Variants in SMARCA4 observed in about 807,000 individuals in gnomAD.
SMARCA4 encodes SWI/SNF-related matrix-associated actin-dependent regulator of chromatin subfamily A member 4.
Under a neutral mutation model 193.9 loss-of-function variants are expected in SMARCA4, and 31 were observed. The observed-to-expected ratio is 0.16, with a 90% CI of 0.12 to 0.22. The LOEUF (loss-of-function observed/expected upper bound fraction) is 0.22. Among genes scored for constraint, SMARCA4 ranks in the 10% least tolerant of loss-of-function variants. SMARCA4 has a pLI of 1.00. For synonymous variants in SMARCA4, 942 were observed against 933.1 expected, an observed-to-expected ratio of 1.01 and a Z score of -0.17; for missense variants, 1,148 against 2,296.0, an observed-to-expected ratio of 0.50 and a Z score of 10.22.
intron 29 of SMARCA4, among the ~76,000 whole-genome samples, chr19:11,035,512 G>A (rs1055260591): frequency 3.9e-5 from 6 of 152,320 alleles, no homozygotes; most frequent in African/African-American, 1.4e-4. Context: ...CTATTGAGGC[G>A]CCCTGCAAAG....
At chr19:10,963,059 G>A (rs887911879) in intron 1 of SMARCA4, among the ~76,000 whole-genome samples, 3 of 152,042 alleles carry the variant, frequency 2.0e-5, no homozygotes, top group African/African-American at 4.8e-5. Context: ...GTGGAAGATC[G>A]CGTGACCATC....
rs1262002307 is a variant in SMARCA4 at position 11,013,121 on chromosome 19, C to G, written c.2438+9C>G. On this transcript the variant is annotated intron_variant, in intron 16 of 34. Transcript: ENST00000344626. ...ATCATCGTGCCTCTCTCGTGAGTAC[C>G]CGCTGCCAGCAACATCCCACACGCC... The G allele has an allele frequency of 6.2e-7, 1 of 1,613,832 alleles. No homozygotes were observed. The highest frequency in any genetic ancestry group is 2.2e-5 in the East Asian group (1 of 44,850).
chr19:11,016,451 C>T (rs773690383), intron 16 of SMARCA4, among the ~76,000 whole-genome samples: 1 of 152,212 alleles, frequency 6.6e-6, no homozygotes, highest in Non-Finnish European at 1.5e-5. Flanking sequence ...ACATGGTTAC[C>T]TGTTTCTGTC....
At position 11,019,442 on chromosome 19, in the gene SMARCA4, GCGGC is replaced by G. The variant is rs2146369313; in HGVS notation, c.2506-147_2506-144del. 1.5e-6 allele frequency: 1 copy of G among 658,626 alleles called. No individual in the cohort carries two copies. The highest frequency in any genetic ancestry group is 2.1e-5 in the Admixed American group (1 of 46,744). The allele number at this position is 658,626 out of a possible 1,614,324, so 40.8% of individuals were successfully genotyped here. ...CGTGGTGAGGTCTGGGGACGCGCCA[GCGGC>G]CCTGCCAGCCCCTTTCCCCACTACC... is the stretch of plus-strand genomic sequence containing the variant. On this transcript the variant is annotated intron_variant, in intron 17 of 34. Transcript: ENST00000344626. The surrounding 1 kb of genome is among the most constrained non-coding windows in gnomAD (Gnocchi z 6.1).
chr19:11,017,114 T>C (rs1429767418), intron 16 of SMARCA4, among the ~76,000 whole-genome samples: 1 of 152,230 alleles, frequency 6.6e-6, no homozygotes. Flanking sequence ...GTTTCTGTGT[T>C]AAGCTGAACG....
rs2074897866 is a variant in SMARCA4 at position 11,031,095 on chromosome 19, C to T, written c.3546+202C>T. The T allele has an allele frequency of 1.6e-6, 1 of 625,568 alleles. No individual in the cohort carries two copies. Among genetic ancestry groups the T allele is most frequent in the Non-Finnish European group, 2.9e-6 (1 of 347,232 alleles). 38.8% of individuals were successfully genotyped at this position (625,568 alleles called of 1,614,324 possible). ...CTCCTGTTTCCCAAAATACAAACAGCCTTTCCCTCTGATTGGGAAAGCAGT... is the reference window on the plus strand; with the variant it reads ...CTCCTGTTTCCCAAAATACAAACAGTCTTTCCCTCTGATTGGGAAAGCAGT... On this transcript the variant is annotated intron_variant, in intron 25 of 34. Transcript: ENST00000344626. The surrounding 1 kb of genome is among the most constrained non-coding windows in gnomAD (Gnocchi z 4.3).
At position 11,058,399 on chromosome 19, in the gene SMARCA4, C is replaced by T. The variant is rs759807777; in HGVS notation, c.4533+36C>T. 7 of 1,441,960 alleles carry T rather than the reference C, an allele frequency of 4.9e-6. No homozygotes were observed. 89.3% of individuals were successfully genotyped at this position (1,441,960 alleles called of 1,614,324 possible). On this transcript the variant is annotated intron_variant, in intron 31 of 34. Coordinates refer to ENST00000344626, the MANE Select transcript of SMARCA4 (RefSeq NM_003072.5). The surrounding 1 kb of genome is among the most constrained non-coding windows in gnomAD (Gnocchi z 5.8). ...CGTTGTACCTGCGCCCCGCATGTGC[C>T]CGGAGGGGAGTCTGACCCAGGGGCA...
Position 11,013,101 on chromosome 19 carries a change from C to T in SMARCA4, c.2427C>T (p.Ile809=), listed in dbSNP as rs773895427. ...HKRINGPFLI[I]VPLSTLSNWA... Reference sequence around the variant, plus strand: ...GCATCAATGGGCCCTTCCTCATCATCGTGCCTCTCTCGTGAGTACCCGCTG... The same window carrying T: ...GCATCAATGGGCCCTTCCTCATCATTGTGCCTCTCTCGTGAGTACCCGCTG... Residue 809 remains isoleucine (I), a synonymous_variant, in exon 16 of 35, where the codon ATC becomes ATT. Transcript: ENST00000344626. 5.6e-6 allele frequency: 9 copies of T among 1,614,002 alleles called. No homozygotes were observed. The highest frequency in any genetic ancestry group is 1.1e-5 in the South Asian group (1 of 91,078).
chr19:11,009,978 T>G lies in SMARCA4; in HGVS notation c.2124-403T>G, dbSNP rs538106607. Among the ~76,000 whole-genome samples the G allele has an allele frequency of 2.0e-5, 3 of 152,182 alleles. No individual in the cohort carries two copies. In the South Asian group the frequency reaches 6.2e-4, roughly 32 times the overall value. On this transcript the variant is annotated intron_variant, in intron 14 of 34. Coordinates refer to ENST00000344626, the MANE Select transcript of SMARCA4 (RefSeq NM_003072.5). The stretch of plus-strand genomic sequence containing the variant: ...TGCTGGGATTACAGGTGTAAGCCAC[T>G]GTGCCCAGCCTAATTTTTGTTTTTT...
chr19:11,035,743 C>G (rs1255987923), intron 29 of SMARCA4, among the ~76,000 whole-genome samples: 2 of 152,246 alleles, frequency 1.3e-5, no homozygotes, highest in Non-Finnish European at 2.9e-5. Flanking sequence ...GTCTTTGAGT[C>G]AGTCGTGCGG....
intron 16 of SMARCA4, among the ~76,000 whole-genome samples, chr19:11,017,379 G>T (rs1436940644): frequency 6.6e-6 from 1 of 152,256 alleles, no homozygotes; most frequent in Admixed American, 6.5e-5. Context: ...CTTCAGTGAG[G>T]TTGTGAGGTG....
At chr19:11,028,066 C>A in intron 24 of SMARCA4, 116 bp downstream of exon 24, 1 of 1,148,320 alleles carries the variant, frequency 8.7e-7, no homozygotes, top group Non-Finnish European at 1.3e-6. Flanking sequence ...GCTCTGGGTC[C>A]AGTGGCCAGA....
At chr19:10,973,132 G>GTTA (rs2084816139) in intron 1 of SMARCA4, among the ~76,000 whole-genome samples, 1 of 152,128 alleles carries the variant, frequency 6.6e-6, no homozygotes, top group African/African-American at 2.4e-5. Context: ...AAAGAATGGG[G>GTTA]TTATTGATGT....
intron 30 of SMARCA4, among the ~76,000 whole-genome samples, chr19:11,051,831 C>T (rs2076280655): frequency 6.6e-6 from 1 of 151,938 alleles, no homozygotes; most frequent in South Asian, 2.1e-4. Flanking sequence ...GGTGCTGTGA[C>T]TCAGGCCTGT....
Position 11,060,110 on chromosome 19 carries a change from G to A in SMARCA4, c.4834G>A (p.Gly1612Ser), listed in dbSNP as rs372319442. 4.3e-5 allele frequency: 66 copies of A among 1,551,074 alleles called. No homozygotes were observed. The Middle Eastern group carries it at 5.0e-4, about 12-fold the overall frequency. ...GAAGGCACAGGACCGGCTGAAGGGCGGCCGGCGGCGGCCGAGCCGAGGGTC... is the reference window on the plus strand; with the variant it reads ...GAAGGCACAGGACCGGCTGAAGGGCAGCCGGCGGCGGCCGAGCCGAGGGTC... The part of the protein sequence containing the change: ...KEKAQDRLKG[G>S]RRRPSRGSRA... Residue 1612 changes from glycine (G) to serine (S), a missense_variant, in exon 34 of 35, where the codon GGC (glycine) becomes AGC (serine). Physicochemically the swap from Gly to Ser is moderately conservative, Grantham distance 56 (BLOSUM62 0). Coordinates refer to ENST00000344626, the MANE Select transcript of SMARCA4 (RefSeq NM_003072.5).
intron 25 of SMARCA4, chr19:11,032,367 A>T (rs2074985637): frequency 6.6e-6 from 1 of 152,410 alleles, no homozygotes; most frequent in African/African-American, 2.4e-5. Flanking sequence ...TGGGGTGATG[A>T]TAAAACTAAC....
In SMARCA4 at chr19:11,033,189, G is replaced by T; in HGVS notation, c.3547-101G>T. 1 of 901,278 alleles carries T rather than the reference G, an allele frequency of 1.1e-6. No individual in the cohort carries two copies. The highest frequency in any genetic ancestry group is 1.8e-6 in the Non-Finnish European group (1 of 542,694). The allele number at this position is 901,278 out of a possible 1,614,324, so 55.8% of individuals were successfully genotyped here. A position where few individuals can be genotyped will look rare whatever the true frequency, so the allele number is the denominator to read the frequency against. On this transcript the variant is annotated intron_variant, in intron 25 of 34. Transcript: ENST00000344626. This position sits in a 1 kb window ranked among gnomAD's most constrained non-coding sequence, Gnocchi z 9.8. ...GGCTGGGCAGAATTGTCAGGCCGAG[G>T]GTGGCACGCACAGCACACCTCTCCA...
intron 30 of SMARCA4, among the ~76,000 whole-genome samples, chr19:11,053,473 G>C (rs373248319): frequency 7.2e-6 from 1 of 139,760 alleles, no homozygotes; most frequent in Non-Finnish European, 1.5e-5. Flanking sequence ...AAAAAAGAAA[G>C]AAATTCAAAT....
chr19:11,058,176 T>A lies in SMARCA4; in HGVS notation c.4425-79T>A, dbSNP rs1457071642. 1 of 844,758 alleles carries A rather than the reference T, an allele frequency of 1.2e-6. No homozygotes were observed. Among genetic ancestry groups the A allele is most frequent in the East Asian group, 2.5e-5 (1 of 40,322 alleles). 52.3% of individuals were successfully genotyped at this position (844,758 alleles called of 1,614,324 possible). ...GTTGGAATTTCTCATCCTTAAACAA[T>A]GTGGGAACCTGCTGAGGTGGGGTGG... is the stretch of plus-strand genomic sequence containing the variant. On this transcript the variant is annotated intron_variant, in intron 30 of 34. Coordinates refer to ENST00000344626, the MANE Select transcript of SMARCA4 (RefSeq NM_003072.5). This position sits in a 1 kb window ranked among gnomAD's most constrained non-coding sequence, Gnocchi z 5.8.
Sources: allele counts gnomAD v4.1 joint callset (sites outside exome capture counted in the v4.1 genomes callset), GRCh38; gene constraint gnomAD v4.1.1; non-coding constraint Gnocchi (gnomAD v3.1); transcripts MANE v1.5; gene names NCBI Gene and HGNC (gene_info 2026-07-23, HGNC 2026-07-21).